PIGF: variants seen among roughly 807,000 people sequenced by gnomAD.
The protein encoded by PIGF is phosphatidylinositol glycan anchor biosynthesis class F, also known as GPI ethanolamine phosphate transferase, stabilizing subunit.
In PIGF, 23 loss-of-function variants were observed where a neutral mutation model predicts 26.0. That is an observed-to-expected ratio of 0.88 (90% confidence interval 0.64 to 1.25). The LOEUF is 1.25. PIGF is among the 50% of genes most tolerant of loss of function. The probability of loss-of-function intolerance (pLI) is 0.00; values close to 1 mark genes in which losing one functional copy is unlikely to be tolerated. For missense variants in PIGF, 278 were observed against 249.9 expected (o/e 1.11, Z -0.76); for synonymous variants, 93 against 92.6 (o/e 1.00, Z -0.03).
At chr2:46,615,371 T>C (rs1670583510) in intron 1 of PIGF, 186 bp from the exon 2 acceptor site, 1 of 443,956 alleles carries the variant, frequency 2.3e-6, no homozygotes, top group Admixed American at 4.0e-5. Context: ...CCTTTGATTT[T>C]CTTAATATGG....
intron 5 of PIGF, among the ~76,000 whole-genome samples, chr2:46,591,272 G>A (rs1669715413): frequency 6.6e-6 from 1 of 152,066 alleles, no homozygotes; most frequent in Non-Finnish European, 1.5e-5. Context: ...GGAAAAAGCA[G>A]ATTAAAAACA....
intron 5 of PIGF, chr2:46,581,842 C>T: frequency 3.0e-6 from 1 of 335,646 alleles, no homozygotes; most frequent in Non-Finnish European, 5.2e-6. Context: ...GCATGAGACA[C>T]ATGCTAAAAT....
At chr2:46,596,743 A>T (rs1314457304) in intron 4 of PIGF, among the ~76,000 whole-genome samples, 1 of 152,002 alleles carries the variant, frequency 6.6e-6, no homozygotes, top group Non-Finnish European at 1.5e-5. Flanking sequence ...AAGATTTAGC[A>T]CCTTTTATCT....
At chr2:46,605,756 T>C (rs1218514708) in intron 4 of PIGF, among the ~76,000 whole-genome samples, 1 of 152,128 alleles carries the variant, frequency 6.6e-6, no homozygotes, top group Non-Finnish European at 1.5e-5. Context: ...CCAGCTCTAC[T>C]ACTTCCTGGC....
In PIGF at chr2:46,592,480, A is replaced by G. The variant is rs997449653; in HGVS notation, c.541T>C (p.Trp181Arg). 1.3e-6 allele frequency: 2 copies of G among 1,566,256 alleles called. No homozygotes were observed. ...LPIPLDWERP[W>R]QVWPISCTLG... Reference sequence around the variant, plus strand: ...TTTAAGTAACTGAAACCAACCTGCCATGGTCTTTCCCAATCCAGTGGAATA... The same window carrying G: ...TTTAAGTAACTGAAACCAACCTGCCGTGGTCTTTCCCAATCCAGTGGAATA... Residue 181 changes from tryptophan to arginine, a missense_variant, in exon 5 of 6, where the codon TGG becomes CGG. Physicochemically the swap from Trp to Arg is moderately radical, Grantham distance 101 (BLOSUM62 -3). Coordinates refer to ENST00000281382, the MANE Select transcript of PIGF (RefSeq NM_002643.4).
chr2:46,596,544 G>A (rs1373106384), intron 4 of PIGF, among the ~76,000 whole-genome samples: 3 of 151,784 alleles, frequency 2.0e-5, no homozygotes, highest in Non-Finnish European at 2.9e-5. Flanking sequence ...AAGTAAAGGA[G>A]TACAATTAAA....
chr2:46,612,105 A>C (rs1670439304), intron 4 of PIGF, 123 bp downstream of exon 4: 2 of 386,082 alleles, frequency 5.2e-6, no homozygotes, highest in Non-Finnish European at 9.4e-6. Flanking sequence ...CCCTTAAGGC[A>C]TCTCTGAGCA....
intron 1 of PIGF, 44 bp from the exon 2 acceptor site, chr2:46,615,229 T>C (rs1171921738): frequency 5.1e-6 from 4 of 783,564 alleles, no homozygotes; most frequent in Non-Finnish European, 8.8e-6. Flanking sequence ...ATAACGACTT[T>C]TTCCATTGTC....
chr2:46,616,601 G>A (rs907071080), intron 1 of PIGF: 9 of 154,188 alleles, frequency 5.8e-5, no homozygotes. Flanking sequence ...GCGGAGAGAA[G>A]GCTCTTCCGA....
Position 46,589,536 on chromosome 2 carries a change from G to C in PIGF, c.546+2939C>G, listed in dbSNP as rs966659361. Among the ~76,000 whole-genome samples, 16 of 151,748 alleles carry C rather than the reference G, an allele frequency of 1.1e-4. No individual in the cohort carries two copies. The highest frequency in any genetic ancestry group is 3.9e-4 in the African/African-American group (16 of 41,326). On this transcript the variant is annotated intron_variant, in intron 5 of 5. Coordinates refer to ENST00000281382, the MANE Select transcript of PIGF (RefSeq NM_002643.4). This position sits in a 1 kb window ranked among gnomAD's most constrained non-coding sequence, Gnocchi z 4.7. ...TGTGTGTGTTTTTAAAGGTACAATT[G>C]CTTAACCAGATATTCCTGTTTCTCT...
chr2:46,593,709 C>T (rs1371990444), intron 4 of PIGF, among the ~76,000 whole-genome samples: 2 of 152,202 alleles, frequency 1.3e-5, no homozygotes, highest in Admixed American at 1.3e-4. Context: ...CACTGCAATG[C>T]ACTAAGTGGG....
intron 5 of PIGF, among the ~76,000 whole-genome samples, chr2:46,585,692 C>G (rs1045352786): frequency 6.6e-6 from 1 of 152,064 alleles, no homozygotes; most frequent in Admixed American, 6.6e-5. Context: ...TAAGTAGAAC[C>G]GGCAGTTTAG....
intron 4 of PIGF, among the ~76,000 whole-genome samples, chr2:46,596,845 A>G (rs929740424): frequency 2.8e-4 from 43 of 152,182 alleles, no homozygotes; most frequent in Admixed American, 6.5e-5. Flanking sequence ...ATCAATAGTA[A>G]TGTCTACGTT....
intron 4 of PIGF, among the ~76,000 whole-genome samples, chr2:46,607,353 A>T (rs1670257391): frequency 6.6e-6 from 1 of 152,202 alleles, no homozygotes; most frequent in African/African-American, 2.4e-5. Flanking sequence ...GAAAAGTGCT[A>T]TGTTTATTGT....
intron 4 of PIGF, among the ~76,000 whole-genome samples, chr2:46,605,980 T>C (rs151331493): frequency 2.9e-4 from 44 of 152,324 alleles, no homozygotes; most frequent in African/African-American, 1.0e-3. Context: ...TTTTTAGCCA[T>C]AGTCCTCTGG....
chr2:46,594,114 G>A (rs554268907), intron 4 of PIGF, among the ~76,000 whole-genome samples: 1 of 152,306 alleles, frequency 6.6e-6, no homozygotes, highest in Admixed American at 6.5e-5. Flanking sequence ...CAATAGAACA[G>A]AGATGTGTTC....
In PIGF at chr2:46,616,960, C is replaced by T. The variant is rs575130522; in HGVS notation, c.-22+10G>A. 9.9e-6 allele frequency: 5 copies of T among 506,278 alleles called. No homozygotes were observed. Among genetic ancestry groups the T allele is most frequent in the East Asian group, 3.8e-5 (1 of 26,510 alleles). 31.4% of individuals were successfully genotyped at this position (506,278 alleles called of 1,614,324 possible). A position where few individuals can be genotyped will look rare whatever the true frequency, so the allele number is the denominator to read the frequency against. The stretch of plus-strand genomic sequence containing the variant: ...GAGGCGAGACGCCGAGGGCGTCCAG[C>T]GGGGCTTACCTAACTCTCCCTCCCG... On this transcript the variant is annotated intron_variant, in intron 1 of 5. Transcript: ENST00000281382.
In PIGF at chr2:46,581,104, GGA is replaced by G. The variant is rs149388763; in HGVS notation, c.*372_*373del. 0.26 allele frequency: 378,172 copies of G among 1,477,078 alleles called. 50,876 individuals carry two copies. The highest frequency in any genetic ancestry group is 0.32 in the Admixed American group (14,083 of 43,374). The allele number at this position is 1,477,078 out of a possible 1,614,324, so 91.5% of individuals were successfully genotyped here. ...CGTGAGAAACATCTTCAGTGGCCAA[GGA>G]AACTGTCCATTTCTCTCAGAAAGCA... On this transcript the variant is annotated 3_prime_UTR_variant, in exon 6 of 6. Coordinates refer to ENST00000281382, the MANE Select transcript of PIGF (RefSeq NM_002643.4).
At chr2:46,598,887 A>G (rs17818399) in intron 4 of PIGF, among the ~76,000 whole-genome samples, 1 of 152,090 alleles carries the variant, frequency 6.6e-6, no homozygotes, top group South Asian at 2.1e-4. Flanking sequence ...TGAAACATTA[A>G]AACAGCTGAC....
Sources: allele counts gnomAD v4.1 joint callset (sites outside exome capture counted in the v4.1 genomes callset), GRCh38; gene constraint gnomAD v4.1.1; non-coding constraint Gnocchi (gnomAD v3.1); transcripts MANE v1.5; gene names NCBI Gene and HGNC (gene_info 2026-07-23, HGNC 2026-07-21).